C2orf49: variants seen among roughly 807,000 people sequenced by gnomAD.
C2orf49 encodes tRNA splicing ligase complex subunit 2.
In C2orf49, 11 loss-of-function variants were observed where a neutral mutation model predicts 20.6. That is an observed-to-expected ratio of 0.53 (90% CI 0.34 to 0.88). The LOEUF (loss-of-function observed/expected upper bound fraction) is 0.88, where lower values mean the gene tolerates loss of function less well. C2orf49 is among the 40% of genes least tolerant of loss of function. The pLI, the probability that C2orf49 is intolerant of heterozygous loss-of-function variation, is 0.02. For missense variants in C2orf49, 289 were observed against 274.2 expected (o/e 1.05, Z -0.38); for synonymous variants, 134 against 108.5 (o/e 1.24, Z -1.46).
At chr2:105,341,559 C>G (rs1679670514) in intron 2 of C2orf49, among the ~76,000 whole-genome samples, 1 of 152,218 alleles carries the variant, frequency 6.6e-6, no homozygotes, top group South Asian at 2.1e-4. Flanking sequence ...AGCAAGCTGT[C>G]AAACCCTGCT....
the C2orf49 span, chr2:105,359,167 A>G: frequency 6.6e-6 from 1 of 151,974 alleles, no homozygotes; most frequent in Non-Finnish European, 1.5e-5. Context: ...AATTAGTCCA[A>G]TTGGAGCTAT....
the C2orf49 span, among the ~76,000 whole-genome samples, chr2:105,383,242 A>G: frequency 6.6e-6 from 1 of 152,234 alleles, no homozygotes; most frequent in Non-Finnish European, 1.5e-5. Context: ...CAGATCCCCC[A>G]AAAACTCTGT....
downstream of C2orf49, among the ~76,000 whole-genome samples, chr2:105,351,455 T>A (rs560938711): frequency 2.6e-5 from 4 of 152,286 alleles, no homozygotes; most frequent in African/African-American, 9.6e-5. Flanking sequence ...CACAGGAGAC[T>A]TAAGTATTCT....
chr2:105,375,882 A>C, the C2orf49 span: 1 of 152,232 alleles, frequency 6.6e-6, no homozygotes, highest in Non-Finnish European at 1.5e-5. Context: ...AAGTATTTTC[A>C]GAAATCTGAG....
chr2:105,373,799 G>A, the C2orf49 span: 2 of 1,548,280 alleles, frequency 1.3e-6, no homozygotes, highest in Admixed American at 3.4e-5. Flanking sequence ...ACAGCATAGG[G>A]GCCCCTTGCG....
chr2:105,374,223 C>T, the C2orf49 span: 5 of 194,062 alleles, frequency 2.6e-5, no homozygotes, highest in South Asian at 1.0e-4. Flanking sequence ...TGGTGGGAGA[C>T]GGTCAGGAGA....
At chr2:105,362,556 A>G in the C2orf49 span, among the ~76,000 whole-genome samples, 2 of 152,242 alleles carry the variant, frequency 1.3e-5, no homozygotes, top group Admixed American at 1.3e-4. Context: ...GAACCAGTCA[A>G]CTGAATGCAA....
In C2orf49 at chr2:105,348,577, A is replaced by T. The variant is rs1472564701; in HGVS notation, c.*3206A>T. Reference sequence around the variant, plus strand: ...ATATATGTAAGAGCTTCCTCTATTTACTACTGTTGAACTTCAGTAATTTTT... The same window carrying T: ...ATATATGTAAGAGCTTCCTCTATTTTCTACTGTTGAACTTCAGTAATTTTT... On this transcript the variant is annotated 3_prime_UTR_variant, in exon 4 of 4. Transcript: ENST00000258457. 1 of 147,286 alleles carries T rather than the reference A, an allele frequency of 6.8e-6. No homozygotes were observed. The highest frequency in any genetic ancestry group is 2.0e-4 in the East Asian group (1 of 5,032). 9.1% of individuals were successfully genotyped at this position (147,286 alleles called of 1,614,324 possible).
downstream of C2orf49, among the ~76,000 whole-genome samples, chr2:105,351,059 A>T (rs1234127805): frequency 6.6e-6 from 1 of 152,206 alleles, no homozygotes; most frequent in Non-Finnish European, 1.5e-5. Flanking sequence ...AGTAATGGTC[A>T]GGTAAATACC....
At chr2:105,370,715 A>C in the C2orf49 span, among the ~76,000 whole-genome samples, 1 of 152,198 alleles carries the variant, frequency 6.6e-6, no homozygotes, top group African/African-American at 2.4e-5. Context: ...CCAGGCAAGC[A>C]AGTGCTTTGA....
the C2orf49 span, among the ~76,000 whole-genome samples, chr2:105,380,177 T>C: frequency 6.6e-6 from 1 of 152,202 alleles, no homozygotes; most frequent in African/African-American, 2.4e-5. Context: ...TGGTATTCTC[T>C]GAGTCTCAGC....
At chr2:105,361,191 GGA>G in the C2orf49 span, 24 of 1,347,304 alleles carry the variant, frequency 1.8e-5, no homozygotes, top group African/African-American at 3.5e-4. Flanking sequence ...CAATGTGGCT[GGA>G]AGAAACCAGA....
chr2:105,346,602 C>T lies in C2orf49; in HGVS notation c.*1231C>T, dbSNP rs912254557. On this transcript the variant is annotated 3_prime_UTR_variant, in exon 4 of 4. Transcript: ENST00000258457. ...GTAGAATTCTAGAATTTATAAGAGT[C>T]CAGGAAGCATAGCAGTCAGGGGCAA... The T allele has an allele frequency of 6.6e-6, 1 of 152,112 alleles. No homozygotes were observed. The highest frequency in any genetic ancestry group is 2.4e-5 in the African/African-American group (1 of 41,398). 9.4% of individuals were successfully genotyped at this position (152,112 alleles called of 1,614,324 possible).
chr2:105,345,418 A>C lies in C2orf49; in HGVS notation c.*47A>C, dbSNP rs764680430. On this transcript the variant is annotated 3_prime_UTR_variant, in exon 4 of 4. Transcript: ENST00000258457. ...AATATACTGTAACTGTAGTTTTTCA[A>C]ATATGTTCATATATATTGACAATAT... 2.2e-6 allele frequency: 3 copies of C among 1,385,042 alleles called. No homozygotes were observed. In the African/African-American group the frequency reaches 4.3e-5, roughly 20 times the overall value. The allele number at this position is 1,385,042 out of a possible 1,614,324, so 85.8% of individuals were successfully genotyped here. A position where few individuals can be genotyped will look rare whatever the true frequency, so the allele number is the denominator to read the frequency against.
downstream of C2orf49, among the ~76,000 whole-genome samples, chr2:105,350,727 A>G (rs1019786097): frequency 6.6e-6 from 1 of 152,212 alleles, no homozygotes; most frequent in Non-Finnish European, 1.5e-5. Context: ...CTGCCTTGCT[A>G]TATAAGTTTT....
chr2:105,363,414 C>A, the C2orf49 span: 58 of 1,613,128 alleles, frequency 3.6e-5, no homozygotes, highest in Non-Finnish European at 3.8e-5. Flanking sequence ...GCGGTGCACA[C>A]GAAGCACTCC....
At chr2:105,369,381 C>T in the C2orf49 span, among the ~76,000 whole-genome samples, 2 of 152,116 alleles carry the variant, frequency 1.3e-5, no homozygotes, top group African/African-American at 2.4e-5. Context: ...AAATGTCTGT[C>T]CTCCAGTAAT....
the C2orf49 span, chr2:105,373,738 G>A: frequency 6.2e-7 from 1 of 1,613,594 alleles, no homozygotes; most frequent in Non-Finnish European, 8.5e-7. Flanking sequence ...CAAGTCCTGT[G>A]GGGCCAGACC....
the C2orf49 span, among the ~76,000 whole-genome samples, chr2:105,371,021 G>A: frequency 2.6e-5 from 4 of 152,094 alleles, no homozygotes; most frequent in Admixed American, 6.6e-5. Flanking sequence ...AGAGGCTGCC[G>A]GCCAGTTAAT....
Sources: allele counts gnomAD v4.1 joint callset (sites outside exome capture counted in the v4.1 genomes callset), GRCh38; gene constraint gnomAD v4.1.1; transcripts MANE v1.5; gene names NCBI Gene and HGNC (gene_info 2026-07-23, HGNC 2026-07-21).